The following SYN3 variants were observed in gnomAD, a reference collection of about 807,000 sequenced individuals.
The protein encoded by SYN3 is synapsin III, also known as synapsin-3.
SYN3 carries 35 observed loss-of-function variants against 65.8 expected under a neutral mutation model. The ratio of observed to expected loss-of-function variants is 0.53; its 90% confidence interval spans 0.41 to 0.70. The LOEUF (loss-of-function observed/expected upper bound fraction) is 0.70, where lower values mean the gene tolerates loss of function less well. Among genes scored for constraint, SYN3 ranks in the 30% least tolerant of loss-of-function variants. The pLI is 0.00. For missense variants in SYN3, 680 were observed against 749.0 expected (o/e 0.91, Z 1.08); for synonymous variants, 270 against 292.9 (o/e 0.92, Z 0.80).
chr22:32,721,900 T>C (rs1264077642), intron 6 of SYN3, among the ~76,000 whole-genome samples: 1 of 152,204 alleles, frequency 6.6e-6, no homozygotes, highest in Non-Finnish European at 1.5e-5. Context: ...AACTGGAACC[T>C]GACTGATGAC....
At chr22:32,587,615 C>T (rs2059067794) in intron 7 of SYN3, among the ~76,000 whole-genome samples, 1 of 152,190 alleles carries the variant, frequency 6.6e-6, no homozygotes, top group African/African-American at 2.4e-5. Context: ...CCACTGACTC[C>T]CACTCCAAAG....
intron 6 of SYN3, among the ~76,000 whole-genome samples, chr22:32,762,372 G>C (rs1311738705): frequency 6.6e-6 from 1 of 152,122 alleles, no homozygotes; most frequent in Non-Finnish European, 1.5e-5. Context: ...CTGTCCATAC[G>C]TCTTTCCCCT....
Position 32,975,504 on chromosome 22 carries a change from A to G in SYN3, c.369+5141T>C, listed in dbSNP as rs1601822626. On this transcript the variant is annotated intron_variant, in intron 3 of 13. Coordinates refer to ENST00000358763, the MANE Select transcript of SYN3 (RefSeq NM_003490.4). ...GAGACAGAGTCTCACAATGTTGCCCAGGCTGGTCATGAACTCCTGGGCTCA... is the reference window on the plus strand; with the variant it reads ...GAGACAGAGTCTCACAATGTTGCCCGGGCTGGTCATGAACTCCTGGGCTCA... 2.0e-5 allele frequency among the ~76,000 whole-genome samples: 3 copies of G among 152,104 alleles called. No individual in the cohort carries two copies. In the South Asian group the frequency reaches 6.2e-4, roughly 32 times the overall value.
chr22:32,953,183 A>C (rs1031094294), intron 3 of SYN3, among the ~76,000 whole-genome samples: 1 of 152,206 alleles, frequency 6.6e-6, no homozygotes, highest in African/African-American at 2.4e-5. Context: ...TCACAAAGCT[A>C]TTGCACCAGA....
chr22:32,870,817 C>T (rs1046769716), intron 4 of SYN3, among the ~76,000 whole-genome samples: 1 of 152,196 alleles, frequency 6.6e-6, no homozygotes, highest in Non-Finnish European at 1.5e-5. Context: ...CATTTTCTTT[C>T]CTGTAAAAGT....
chr22:32,830,034 C>T (rs920439705), intron 6 of SYN3, among the ~76,000 whole-genome samples: 11 of 152,206 alleles, frequency 7.2e-5, no homozygotes, highest in African/African-American at 1.9e-4. Context: ...TGACCTGAAA[C>T]TGAAATGCTC....
chr22:32,586,040 A>ATG lies in SYN3; in HGVS notation c.774+10633_774+10634insCA, dbSNP rs1555902116. On this transcript the variant is annotated intron_variant, in intron 7 of 13. Coordinates refer to ENST00000358763, the MANE Select transcript of SYN3 (RefSeq NM_003490.4). ...TATATATGTATGTATGTATATATGT[A>ATG]TATGTATATATGTGTATATGTATAT... Among the ~76,000 whole-genome samples the ATG allele has an allele frequency of 3.0e-3, 310 of 104,860 alleles. 3 individuals are homozygous for ATG. The highest frequency in any genetic ancestry group is 0.012 in the African/African-American group (212 of 17,438). The allele number at this position is 104,860 out of a possible 152,430, so 68.8% of individuals were successfully genotyped here.
chr22:32,769,880 C>A (rs1485099763), intron 6 of SYN3, among the ~76,000 whole-genome samples: 1 of 152,168 alleles, frequency 6.6e-6, no homozygotes, highest in Non-Finnish European at 1.5e-5. Flanking sequence ...CACTCCCTCC[C>A]CTATTGATCT....
chr22:32,572,448 TTTCCTCCCTTCC>T (rs2058787374), intron 7 of SYN3, among the ~76,000 whole-genome samples: 1 of 111,210 alleles, frequency 9.0e-6, no homozygotes, highest in Non-Finnish European at 1.8e-5. Flanking sequence ...CCCTCCTTCC[TTTCCTCCCTTCC>T]TTCCTTCTTT....
At chr22:32,671,770 CAG>C (rs2060373344) in intron 6 of SYN3, among the ~76,000 whole-genome samples, 1 of 151,128 alleles carries the variant, frequency 6.6e-6, no homozygotes, top group Non-Finnish European at 1.5e-5. Flanking sequence ...CACTGTCACA[CAG>C]GTGCACACAC....
At chr22:32,681,025 G>A (rs995476711) in intron 6 of SYN3, among the ~76,000 whole-genome samples, 69 of 152,160 alleles carry the variant, frequency 4.5e-4, no homozygotes, top group African/African-American at 1.6e-3. Flanking sequence ...TCTTTTCTAT[G>A]TTTCACATAT....
At chr22:33,006,175 T>C (rs2053190188) in intron 2 of SYN3, among the ~76,000 whole-genome samples, 177 bp downstream of exon 2, 1 of 152,156 alleles carries the variant, frequency 6.6e-6, no homozygotes, top group Non-Finnish European at 1.5e-5. Flanking sequence ...ACTAAGTAGG[T>C]GCTGTGGGCC....
At chr22:32,886,344 T>C (rs867138670) in intron 4 of SYN3, among the ~76,000 whole-genome samples, 2 of 152,210 alleles carry the variant, frequency 1.3e-5, no homozygotes, top group African/African-American at 2.4e-5. Flanking sequence ...CCTGTGAAAA[T>C]GGCAGCTTCG....
chr22:32,896,905 C>T (rs1320399571), intron 4 of SYN3, among the ~76,000 whole-genome samples: 1 of 152,176 alleles, frequency 6.6e-6, no homozygotes, highest in Non-Finnish European at 1.5e-5. Context: ...AAGACATTCA[C>T]CAAGTGGTGG....
intron 6 of SYN3, among the ~76,000 whole-genome samples, chr22:32,665,950 C>T (rs926453077): frequency 1.3e-5 from 2 of 152,162 alleles, no homozygotes; most frequent in Non-Finnish European, 2.9e-5. Context: ...AACGAAATCA[C>T]ACACTATATC....
intron 4 of SYN3, among the ~76,000 whole-genome samples, chr22:32,927,124 C>G (rs937835711): frequency 6.6e-6 from 1 of 152,126 alleles, no homozygotes; most frequent in Non-Finnish European, 1.5e-5. Flanking sequence ...ATTTTAATAA[C>G]CAGCACTGCT....
intron 6 of SYN3, among the ~76,000 whole-genome samples, chr22:32,670,542 G>A (rs571605707): frequency 3.7e-4 from 57 of 152,302 alleles, no homozygotes; most frequent in South Asian, 8.3e-4. Flanking sequence ...CTTCTCTATC[G>A]TTTGGATTCA....
At chr22:32,933,418 GC>G (rs1215209556) in intron 3 of SYN3, among the ~76,000 whole-genome samples, 1 of 152,024 alleles carries the variant, frequency 6.6e-6, no homozygotes, top group Non-Finnish European at 1.5e-5. Context: ...TGGCACCAGG[GC>G]CTGTGTTTTT....
intron 7 of SYN3, among the ~76,000 whole-genome samples, chr22:32,579,673 T>C (rs7291985): frequency 0.35 from 53,624 of 152,058 alleles, 9,904 homozygotes; most frequent in African/African-American, 0.48. Context: ...CTTCTGAAGA[T>C]CAGGACTCAG....
Sources: gnomAD v4.1 joint callset for allele counts (sites outside exome capture counted in the v4.1 genomes callset) on GRCh38, gnomAD v4.1.1 for gene constraint, MANE v1.5 for transcripts, NCBI Gene and HGNC (gene_info 2026-07-23, HGNC 2026-07-21) for gene names.